The following BABAM2 variants were observed in gnomAD, a reference collection of about 807,000 sequenced individuals.
BABAM2 encodes BRISC and BRCA1-A complex member 2.
BABAM2 carries 31 observed loss-of-function variants against 54.7 expected under a neutral mutation model. That is an observed-to-expected ratio of 0.57 (90% confidence interval 0.43 to 0.77). The LOEUF (loss-of-function observed/expected upper bound fraction) is 0.77, where lower values mean the gene tolerates loss of function less well. BABAM2 is among the 30% of genes least tolerant of loss of function. BABAM2 has a pLI of 0.00. For synonymous variants in BABAM2, 167 were observed against 162.9 expected, an observed-to-expected ratio of 1.03 and a Z score of -0.19; for missense variants, 364 against 455.8, an observed-to-expected ratio of 0.80 and a Z score of 1.83.
At chr2:27,962,481 A>T (rs1670542163) in intron 3 of BABAM2, among the ~76,000 whole-genome samples, 1 of 151,826 alleles carries the variant, frequency 6.6e-6, no homozygotes, top group South Asian at 2.1e-4. Context: ...GTATAGCTAA[A>T]CTCTTTGAGC....
chr2:28,109,973 G>A (rs541366454), intron 6 of BABAM2, among the ~76,000 whole-genome samples: 3 of 152,000 alleles, frequency 2.0e-5, no homozygotes, highest in South Asian at 2.1e-4. Flanking sequence ...CATGACATCC[G>A]TTTCTGTAAC....
chr2:28,086,772 T>C (rs1665686986), intron 6 of BABAM2, among the ~76,000 whole-genome samples: 2 of 152,222 alleles, frequency 1.3e-5, no homozygotes, highest in South Asian at 4.1e-4. Flanking sequence ...AGCACGACAG[T>C]GCTCTTAAAA....
chr2:28,275,717 G>A (rs1685820173), intron 10 of BABAM2, among the ~76,000 whole-genome samples: 1 of 152,118 alleles, frequency 6.6e-6, no homozygotes, highest in South Asian at 2.1e-4. Context: ...GGATTTTAAA[G>A]CAAATAGAAT....
intron 10 of BABAM2, among the ~76,000 whole-genome samples, chr2:28,283,535 CTG>C (rs1686555371): frequency 6.6e-6 from 1 of 152,170 alleles, no homozygotes; most frequent in African/African-American, 2.4e-5. Context: ...TTGGAACATT[CTG>C]TGTTTTGTTT....
intron 6 of BABAM2, among the ~76,000 whole-genome samples, chr2:28,112,226 C>T (rs1159336221): frequency 4.5e-4 from 53 of 117,606 alleles, no homozygotes; most frequent in East Asian, 9.3e-4. Flanking sequence ...TTCCTTCCTT[C>T]CTTTAAGTTC....
chr2:28,220,126 G>A (rs562151518), intron 7 of BABAM2, among the ~76,000 whole-genome samples: 49 of 152,154 alleles, frequency 3.2e-4, no homozygotes, highest in Non-Finnish European at 5.4e-4. Context: ...CCAGCAAAAC[G>A]AACTGATTGT....
At chr2:27,917,408 G>A (rs971892225) in intron 2 of BABAM2, among the ~76,000 whole-genome samples, 6 of 152,160 alleles carry the variant, frequency 3.9e-5, no homozygotes, top group Non-Finnish European at 8.8e-5. Flanking sequence ...AACAGCAGAA[G>A]TTTATTGCTC....
intron 5 of BABAM2, among the ~76,000 whole-genome samples, chr2:28,030,387 A>G (rs985828144): frequency 6.6e-6 from 1 of 152,204 alleles, no homozygotes; most frequent in Non-Finnish European, 1.5e-5. Context: ...GGCAATGGTT[A>G]TGGATTCAAG....
At chr2:28,214,792 T>A (rs944748647) in intron 7 of BABAM2, among the ~76,000 whole-genome samples, 4 of 152,064 alleles carry the variant, frequency 2.6e-5, no homozygotes, top group Non-Finnish European at 5.9e-5. Flanking sequence ...TTTTTTTTTT[T>A]AATCACAAAT....
At chr2:27,916,602 G>A (rs375705647) in intron 2 of BABAM2, among the ~76,000 whole-genome samples, 1 of 152,178 alleles carries the variant, frequency 6.6e-6, no homozygotes, top group East Asian at 1.9e-4. Flanking sequence ...GACACTGAGG[G>A]ATCCAGGGTT....
At chr2:28,119,297 C>G (rs1269316193) in intron 6 of BABAM2, among the ~76,000 whole-genome samples, 1 of 152,198 alleles carries the variant, frequency 6.6e-6, no homozygotes, top group African/African-American at 2.4e-5. Flanking sequence ...GATTCTTTCT[C>G]TAAAAACTTT....
intron 5 of BABAM2, among the ~76,000 whole-genome samples, chr2:28,026,774 T>TA (rs1159682091): frequency 9.9e-6 from 1 of 100,988 alleles, no homozygotes; most frequent in Admixed American, 1.3e-4. Flanking sequence ...TATAAATATA[T>TA]AAAAAAATAT....
rs142185573 is a variant in BABAM2, at chr2:28,179,383, A to G, written c.680+50003A>G. On this transcript the variant is annotated intron_variant, in intron 7 of 11. Coordinates refer to ENST00000379624, the MANE Select transcript of BABAM2 (RefSeq NM_199191.3). Reference sequence around the variant, plus strand: ...ATCATCAGAGTGAAGGACAGTAGCCATATCATTCTCTAAATAGATGCAGAA... The same window carrying G: ...ATCATCAGAGTGAAGGACAGTAGCCGTATCATTCTCTAAATAGATGCAGAA... Among the ~76,000 whole-genome samples the G allele has an allele frequency of 2.0e-3, 311 of 152,324 alleles. 1 individual carries two copies. Among genetic ancestry groups the G allele is most frequent in the Non-Finnish European group, 3.3e-3 (226 of 67,990 alleles).
At chr2:28,321,511 C>T (rs933391573) in intron 11 of BABAM2, among the ~76,000 whole-genome samples, 3 of 152,234 alleles carry the variant, frequency 2.0e-5, no homozygotes, top group Middle Eastern at 3.4e-3. Context: ...AAATAGGAAT[C>T]GTGTGAAATC....
At chr2:28,295,423 G>A (rs1349275244) in intron 10 of BABAM2, among the ~76,000 whole-genome samples, 2 of 152,108 alleles carry the variant, frequency 1.3e-5, no homozygotes, top group African/African-American at 4.8e-5. Flanking sequence ...TTGCTTTGGA[G>A]GTTACTCTCA....
intron 7 of BABAM2, among the ~76,000 whole-genome samples, chr2:28,225,850 C>T (rs1202815993): frequency 6.6e-6 from 1 of 151,730 alleles, no homozygotes; most frequent in Admixed American, 6.6e-5. Context: ...ACCAAAGGGC[C>T]TCTTTTCATT....
chr2:28,314,672 C>T (rs182758019), intron 11 of BABAM2, among the ~76,000 whole-genome samples: 8 of 152,328 alleles, frequency 5.3e-5, no homozygotes, highest in African/African-American at 1.9e-4. Flanking sequence ...GATACAGTCC[C>T]TGCTTTCGGT....
chr2:27,990,563 A>G (rs1465219910), intron 4 of BABAM2, among the ~76,000 whole-genome samples: 3 of 152,314 alleles, frequency 2.0e-5, no homozygotes, highest in Middle Eastern at 3.4e-3. Context: ...TATGCCTTGC[A>G]GAAGGGCATG....
intron 7 of BABAM2, among the ~76,000 whole-genome samples, chr2:28,216,043 T>C (rs1331513756): frequency 6.6e-6 from 1 of 152,218 alleles, no homozygotes; most frequent in Admixed American, 6.5e-5. Context: ...GCTTTGATGG[T>C]GCCCAGAATT....
Sources: allele counts gnomAD v4.1 joint callset (sites outside exome capture counted in the v4.1 genomes callset), GRCh38; gene constraint gnomAD v4.1.1; transcripts MANE v1.5; gene names NCBI Gene and HGNC (gene_info 2026-07-23, HGNC 2026-07-21).